Variants in ASAP3 observed in about 807,000 individuals in gnomAD.
ASAP3 encodes the protein arf-GAP with SH3 domain, ANK repeat and PH domain-containing protein 3.
In ASAP3, 85 loss-of-function variants were observed where a neutral mutation model predicts 118.2. The ratio of observed to expected loss-of-function variants is 0.72; its 90% CI spans 0.60 to 0.86. ASAP3 has a LOEUF of 0.86. Among genes scored for constraint, ASAP3 ranks in the 40% least tolerant of loss-of-function variants. The pLI is 0.00. For synonymous variants in ASAP3, 432 were observed against 477.4 expected, an observed-to-expected ratio of 0.90 and a Z score of 1.24; for missense variants, 1,026 against 1,175.0, an observed-to-expected ratio of 0.87 and a Z score of 1.85.
chr1:23,458,851 G>A (rs570188992), intron 1 of ASAP3, among the ~76,000 whole-genome samples: 9 of 152,120 alleles, frequency 5.9e-5, no homozygotes, highest in African/African-American at 1.4e-4. Flanking sequence ...CTATGATTTC[G>A]CTCTAAAAGA....
At chr1:23,476,106 G>A (rs980705985) in intron 1 of ASAP3, among the ~76,000 whole-genome samples, 7 of 152,140 alleles carry the variant, frequency 4.6e-5, no homozygotes, top group African/African-American at 1.7e-4. Context: ...AGCACTTTGG[G>A]AGGCTGAGGC....
At chr1:23,464,693 A>AAT (rs1641709233) in intron 1 of ASAP3, among the ~76,000 whole-genome samples, 4 of 107,252 alleles carry the variant, frequency 3.7e-5, no homozygotes, top group Admixed American at 1.1e-4. Flanking sequence ...AAAAAAAAAA[A>AAT]ATCAGCTTCT....
chr1:23,442,113 T>C (rs1049774011), intron 7 of ASAP3, 73 bp downstream of exon 7: 5 of 1,457,018 alleles, frequency 3.4e-6, no homozygotes, highest in Non-Finnish European at 4.7e-6. Context: ...CTCTCAGGTC[T>C]ATCACACCTT....
At position 23,438,937 on chromosome 1, in the gene ASAP3, C is replaced by A. The variant is rs1640771115; in HGVS notation, c.1015-103G>T. 7.7e-7 allele frequency: 1 copy of A among 1,291,436 alleles called. No homozygotes were observed. 80.0% of individuals were successfully genotyped at this position (1,291,436 alleles called of 1,614,324 possible). On this transcript the variant is annotated intron_variant, in intron 11 of 24. Coordinates refer to ENST00000336689, the MANE Select transcript of ASAP3 (RefSeq NM_017707.4). The surrounding 1 kb of genome is among the most constrained non-coding windows in gnomAD (Gnocchi z 4.9). ...GTTAAATGGGCATAATCATCCTGTTCCATTTGTGTTTCTCCTCACCCAGCA... is the reference window on the plus strand; with the variant it reads ...GTTAAATGGGCATAATCATCCTGTTACATTTGTGTTTCTCCTCACCCAGCA...
chr1:23,450,890 T>C (rs1641192836), intron 5 of ASAP3, among the ~76,000 whole-genome samples: 1 of 152,184 alleles, frequency 6.6e-6, no homozygotes, highest in Non-Finnish European at 1.5e-5. Flanking sequence ...CAGGAGGAAT[T>C]GGCCACTGGT....
chr1:23,468,607 T>G (rs1641851993), intron 1 of ASAP3, among the ~76,000 whole-genome samples: 1 of 152,112 alleles, frequency 6.6e-6, no homozygotes, highest in African/African-American at 2.4e-5. Context: ...GTGCGGTGGC[T>G]CACGCCTGTA....
At chr1:23,443,540 T>G (rs1410177824) in intron 5 of ASAP3, among the ~76,000 whole-genome samples, 2 of 152,156 alleles carry the variant, frequency 1.3e-5, no homozygotes, top group Non-Finnish European at 2.9e-5. Context: ...TCAGAAAACC[T>G]TTGTTCTTTT....
At chr1:23,445,965 G>T (rs1258164744) in intron 5 of ASAP3, among the ~76,000 whole-genome samples, 1 of 151,690 alleles carries the variant, frequency 6.6e-6, no homozygotes, top group Non-Finnish European at 1.5e-5. Context: ...CTGGGCAACA[G>T]AGTAGACTCT....
At chr1:23,441,788 G>C in intron 7 of ASAP3, 58 bp from the exon 8 acceptor site, 153 of 1,553,574 alleles carry the variant, frequency 9.8e-5, no homozygotes, top group Non-Finnish European at 1.3e-4. Flanking sequence ...GAGAGATGAA[G>C]CCAGAAGTGT....
upstream of ASAP3, chr1:23,484,247 C>T (rs1642436772): frequency 4.0e-6 from 4 of 1,006,272 alleles, no homozygotes; most frequent in Non-Finnish European, 5.0e-6. Context: ...ACACGCCCCG[C>T]CCCTCCGCAC....
At position 23,451,514 on chromosome 1, in the gene ASAP3, C is replaced by A; in HGVS notation, c.438G>T (p.Gln146His). Residue 146 changes from glutamine (Q) to histidine (H), a missense_variant, in exon 5 of 25, where the codon CAG (glutamine) becomes CAT (histidine). Physicochemically the swap from Gln to His is conservative, Grantham distance 24. Coordinates refer to ENST00000336689, the MANE Select transcript of ASAP3 (RefSeq NM_017707.4). ...CATAGTCCTTCCATGCCTTCTCCAG[C>A]TGTTTTTTGGAATCCTGTGGGTTAA... ...LRDGRQDSKK[Q>H]LEKAWKDYEA... 1 of 1,614,232 alleles carries A rather than the reference C, an allele frequency of 6.2e-7. No individual in the cohort carries two copies. Among genetic ancestry groups the A allele is most frequent in the Non-Finnish European group, 8.5e-7 (1 of 1,180,032 alleles).
chr1:23,433,383 C>T (rs1640517031), intron 21 of ASAP3, 42 bp downstream of exon 21: 1 of 1,613,768 alleles, frequency 6.2e-7, no homozygotes, highest in African/African-American at 1.3e-5. Flanking sequence ...TGGCTCTTTC[C>T]TTCTGCCATC....
At chr1:23,474,819 G>A (rs1167746006) in intron 1 of ASAP3, among the ~76,000 whole-genome samples, 3 of 152,172 alleles carry the variant, frequency 2.0e-5, no homozygotes, top group Non-Finnish European at 4.4e-5. Context: ...CTGACCTCAA[G>A]TGGTCCCCCT....
intron 17 of ASAP3, among the ~76,000 whole-genome samples, chr1:23,435,104 T>C (rs758491986): frequency 1.1e-4 from 16 of 152,256 alleles, no homozygotes; most frequent in Non-Finnish European, 1.9e-4. Flanking sequence ...CACAGCTCTC[T>C]GTAGCCTCAA....
intron 5 of ASAP3, among the ~76,000 whole-genome samples, chr1:23,443,380 T>A (rs911012006): frequency 1.3e-5 from 2 of 152,140 alleles, no homozygotes; most frequent in Non-Finnish European, 2.9e-5. Flanking sequence ...GTCTCCAATG[T>A]CTACTATTCT....
At chr1:23,448,606 A>G (rs1641117660) in intron 5 of ASAP3, among the ~76,000 whole-genome samples, 1 of 151,260 alleles carries the variant, frequency 6.6e-6, no homozygotes, top group Non-Finnish European at 1.5e-5. Context: ...AAATATATGT[A>G]TTATATTTAT....
At chr1:23,454,615 GCCT>G (rs1447926387) in intron 3 of ASAP3, among the ~76,000 whole-genome samples, 8 of 152,198 alleles carry the variant, frequency 5.3e-5, no homozygotes, top group Non-Finnish European at 8.8e-5. Context: ...GTTGCACCCA[GCCT>G]CAAACACTGT....
chr1:23,452,878 G>T, intron 3 of ASAP3, 107 bp from the exon 4 acceptor site: 1 of 1,062,712 alleles, frequency 9.4e-7, no homozygotes. Context: ...AGCGGGGAAG[G>T]GAAGTAGGGG....
chr1:23,464,468 T>G (rs1163727946), intron 1 of ASAP3, among the ~76,000 whole-genome samples: 1 of 151,772 alleles, frequency 6.6e-6, no homozygotes, highest in Non-Finnish European at 1.5e-5. Flanking sequence ...ATTACAGGCA[T>G]GAGGCACTGC....
Sources: gnomAD v4.1 joint callset for allele counts (sites outside exome capture counted in the v4.1 genomes callset) on GRCh38, gnomAD v4.1.1 for gene constraint, Gnocchi (gnomAD v3.1) non-coding constraint, MANE v1.5 for transcripts, NCBI Gene and HGNC (gene_info 2026-07-23, HGNC 2026-07-21) for gene names.